Variants in RNF220 observed in about 807,000 individuals in gnomAD.
The protein encoded by RNF220 is E3 ubiquitin-protein ligase RNF220.
Under a neutral mutation model 67.1 loss-of-function variants are expected in RNF220, and 7 were observed. That is an observed-to-expected ratio of 0.10 (90% confidence interval 0.06 to 0.20). The LOEUF (loss-of-function observed/expected upper bound fraction) is 0.20. Ranked by LOEUF, RNF220 falls within the 10% of genes least tolerant of loss-of-function variation. The pLI is 1.00. For synonymous variants in RNF220, 270 were observed against 283.2 expected, an observed-to-expected ratio of 0.95 and a Z score of 0.47; for missense variants, 565 against 740.3, an observed-to-expected ratio of 0.76 and a Z score of 2.75.
chr1:44,485,389 A>G (rs1442286704), intron 2 of RNF220, among the ~76,000 whole-genome samples: 1 of 152,206 alleles, frequency 6.6e-6, no homozygotes, highest in African/African-American at 2.4e-5. Context: ...ATGGAGAGAC[A>G]GTGGTTGTGT....
chr1:44,610,127 G>A (rs1408118924), intron 2 of RNF220, among the ~76,000 whole-genome samples: 1 of 152,170 alleles, frequency 6.6e-6, no homozygotes, highest in East Asian at 1.9e-4. Flanking sequence ...GACGGGAGGC[G>A]GAATGAGCGA....
intron 2 of RNF220, among the ~76,000 whole-genome samples, chr1:44,509,508 C>G (rs1169525946): frequency 6.7e-6 from 1 of 150,210 alleles, no homozygotes; most frequent in African/African-American, 2.5e-5. Flanking sequence ...TGAGATCATG[C>G]CACTGCCCTC....
At chr1:44,543,587 C>T (rs917116104) in intron 2 of RNF220, among the ~76,000 whole-genome samples, 4 of 151,810 alleles carry the variant, frequency 2.6e-5, no homozygotes, top group East Asian at 1.9e-4. Flanking sequence ...AAAAGCAAGC[C>T]GGAGCACGGA....
Position 44,533,810 on chromosome 1 carries a change from A to G in RNF220, c.626-80355A>G, listed in dbSNP as rs375388835. 5.9e-5 allele frequency among the ~76,000 whole-genome samples: 9 copies of G among 152,354 alleles called. No individual in the cohort carries two copies. The East Asian group carries it at 7.7e-4, about 13-fold the overall frequency. On this transcript the variant is annotated intron_variant, in intron 2 of 14. Transcript: ENST00000361799. Reference sequence around the variant, plus strand: ...TGGAAAAAAGTGGATAAGCATTCTAAGTAGAGGGATCAGAATGAGCAAAAG... The same window carrying G: ...TGGAAAAAAGTGGATAAGCATTCTAGGTAGAGGGATCAGAATGAGCAAAAG...
intron 2 of RNF220, among the ~76,000 whole-genome samples, chr1:44,479,117 ATTT>A (rs556142473): frequency 7.4e-6 from 1 of 135,890 alleles, no homozygotes. Context: ...AACTTTGTGG[ATTT>A]TTTTTTTTTT....
At chr1:44,560,418 T>A (rs914939859) in intron 2 of RNF220, among the ~76,000 whole-genome samples, 4 of 151,888 alleles carry the variant, frequency 2.6e-5, no homozygotes, top group African/African-American at 9.7e-5. Context: ...GGAGGTAGAG[T>A]CGGTGGTGAC....
intron 2 of RNF220, among the ~76,000 whole-genome samples, chr1:44,472,861 G>T (rs1023411005): frequency 6.6e-6 from 1 of 152,188 alleles, no homozygotes; most frequent in Non-Finnish European, 1.5e-5. Flanking sequence ...GACGGGATGG[G>T]TGCGCGTGCC....
chr1:44,436,414 A>G (rs746711563), intron 2 of RNF220, among the ~76,000 whole-genome samples: 7 of 82,046 alleles, frequency 8.5e-5, no homozygotes, highest in East Asian at 8.6e-4. Context: ...ACACACACAC[A>G]TGTGTGAGCA....
chr1:44,414,558 T>A (rs1020743649), intron 2 of RNF220, among the ~76,000 whole-genome samples: 9 of 152,124 alleles, frequency 5.9e-5, no homozygotes, highest in Non-Finnish European at 1.3e-4. Flanking sequence ...CCCCTCTGAG[T>A]GTCAAAGCCA....
At chr1:44,547,419 C>G (rs758650393) in intron 2 of RNF220, among the ~76,000 whole-genome samples, 8 of 152,184 alleles carry the variant, frequency 5.3e-5, no homozygotes, top group Non-Finnish European at 1.0e-4. Flanking sequence ...GTTCACCCTT[C>G]TTAACATCTC....
At position 44,460,190 on chromosome 1, in the gene RNF220, G is replaced by A. The variant is rs180713840; in HGVS notation, c.625+47468G>A. ...TCTTTCAGGTCATTGGTTGAGGGCTGTTCTTAGAGGGCATTAATTCACTGA... is the reference window on the plus strand; with the variant it reads ...TCTTTCAGGTCATTGGTTGAGGGCTATTCTTAGAGGGCATTAATTCACTGA... On this transcript the variant is annotated intron_variant, in intron 2 of 14. Transcript: ENST00000361799. Among the ~76,000 whole-genome samples the A allele has an allele frequency of 5.3e-5, 8 of 152,348 alleles. No individual in the cohort carries two copies. In the South Asian group the frequency reaches 8.3e-4, roughly 16 times the overall value.
chr1:44,644,885 C>G, intron 9 of RNF220, 91 bp downstream of exon 9: 1 of 1,502,054 alleles, frequency 6.7e-7, no homozygotes, highest in South Asian at 1.1e-5. Context: ...ACCTGCACCA[C>G]CCCCCGGGCC....
Position 44,621,955 on chromosome 1 carries a change from G to C in RNF220, c.759-787G>C, listed in dbSNP as rs765927794. Among the ~76,000 whole-genome samples, 7 of 152,186 alleles carry C rather than the reference G, an allele frequency of 4.6e-5. No homozygotes were observed. Among genetic ancestry groups the C allele is most frequent in the Non-Finnish European group, 1.0e-4 (7 of 68,030 alleles). On this transcript the variant is annotated intron_variant, in intron 3 of 14. Transcript: ENST00000361799. This position sits in a 1 kb window ranked among gnomAD's most constrained non-coding sequence, Gnocchi z 4.8. ...GAGCACAGATGTGGCAAGCGTAGTGGGGGCAGCAGGCAGGGAGGGACAGGA... is the reference window on the plus strand; with the variant it reads ...GAGCACAGATGTGGCAAGCGTAGTGCGGGCAGCAGGCAGGGAGGGACAGGA...
At chr1:44,582,077 T>C (rs1379387566) in intron 2 of RNF220, among the ~76,000 whole-genome samples, 1 of 152,104 alleles carries the variant, frequency 6.6e-6, no homozygotes, top group East Asian at 1.9e-4. Flanking sequence ...GGGCTGTTGG[T>C]TTGTTTGATG....
intron 8 of RNF220, chr1:44,643,393 CAGAGTGAATTAGTAG>C (rs903607465): frequency 6.6e-6 from 1 of 152,202 alleles, no homozygotes; most frequent in Non-Finnish European, 1.5e-5. Flanking sequence ...TTGGGGTTTA[CAGAGTGAATTAGTAG>C]AGAGCAAGAG....
chr1:44,581,325 G>A (rs751427197), intron 2 of RNF220, among the ~76,000 whole-genome samples: 36 of 152,254 alleles, frequency 2.4e-4, no homozygotes, highest in Non-Finnish European at 3.2e-4. Context: ...CAGCCTCTAC[G>A]CCGGCAGGAC....
intron 4 of RNF220, among the ~76,000 whole-genome samples, chr1:44,625,240 G>A (rs1488858456): frequency 6.6e-6 from 1 of 152,170 alleles, no homozygotes; most frequent in Non-Finnish European, 1.5e-5. Flanking sequence ...GGTGAAGAAG[G>A]AGCTCCACGT....
In RNF220 at chr1:44,412,210, C is replaced by T; in HGVS notation, c.113C>T (p.Ala38Val). The part of the protein sequence containing the change: ...LASTAEASRD[A>V]SIPCQQPRPF... Reference sequence around the variant, plus strand: ...TCCACGGCTGAGGCCAGCCGTGATGCTTCCATCCCTTGTCAGCAGCCACGA... The same window carrying T: ...TCCACGGCTGAGGCCAGCCGTGATGTTTCCATCCCTTGTCAGCAGCCACGA... The change falls in exon 2 of 15, where the codon GCT (alanine) becomes GTT (valine). Residue 38 changes from alanine to valine, a missense_variant. By Grantham distance (64) the Ala-to-Val change is moderately conservative (BLOSUM62 0). Coordinates refer to ENST00000361799, the MANE Select transcript of RNF220 (RefSeq NM_018150.4). The surrounding 1 kb of genome is among the most constrained non-coding windows in gnomAD (Gnocchi z 5.3). The T allele has an allele frequency of 6.2e-7, 1 of 1,614,236 alleles. No individual in the cohort carries two copies. Among genetic ancestry groups the T allele is most frequent in the Non-Finnish European group, 8.5e-7 (1 of 1,180,036 alleles).
Position 44,637,561 on chromosome 1 carries a change from C to A in RNF220, c.1126+1399C>A, listed in dbSNP as rs143212040. ...GCTCACATCCTCCATTGCTGTGGCACCTTCTTAGGTTCCTTGGCACAGACC... is the reference window on the plus strand; with the variant it reads ...GCTCACATCCTCCATTGCTGTGGCAACTTCTTAGGTTCCTTGGCACAGACC... On this transcript the variant is annotated intron_variant, in intron 8 of 14. Coordinates refer to ENST00000361799, the MANE Select transcript of RNF220 (RefSeq NM_018150.4). Among the ~76,000 whole-genome samples, 553 of 152,332 alleles carry A rather than the reference C, an allele frequency of 3.6e-3. 5 individuals carry two copies. The highest frequency in any genetic ancestry group is 0.012 in the African/African-American group (490 of 41,568).
Sources: gnomAD v4.1 joint callset for allele counts (sites outside exome capture counted in the v4.1 genomes callset) on GRCh38, gnomAD v4.1.1 for gene constraint, Gnocchi (gnomAD v3.1) non-coding constraint, MANE v1.5 for transcripts, NCBI Gene and HGNC (gene_info 2026-07-23, HGNC 2026-07-21) for gene names.